The following TBC1D31 variants were observed in gnomAD, a reference collection of about 807,000 sequenced individuals.
TBC1D31 encodes the protein WD repeat domain 67.
Under a neutral mutation model 132.9 loss-of-function variants are expected in TBC1D31, and 99 were observed. That is an observed-to-expected ratio of 0.74 (90% CI 0.63 to 0.88). The LOEUF is 0.88. TBC1D31 is among the 40% of genes least tolerant of loss of function. TBC1D31 has a pLI of 0.00. For missense variants in TBC1D31, 1,134 were observed against 1,256.6 expected, an observed-to-expected ratio of 0.90 and a Z score of 1.48; for synonymous variants, 385 against 419.4, an observed-to-expected ratio of 0.92 and a Z score of 1.00.
intron 6 of TBC1D31, among the ~76,000 whole-genome samples, chr8:123,098,557 G>A (rs1034487196): frequency 2.0e-5 from 3 of 152,194 alleles, no homozygotes; most frequent in Non-Finnish European, 2.9e-5. Context: ...CAAAGTGCTG[G>A]GATTATAGGC....
the TBC1D31 span, among the ~76,000 whole-genome samples, chr8:123,159,646 G>A: frequency 6.6e-6 from 1 of 152,162 alleles, no homozygotes; most frequent in East Asian, 1.9e-4. Flanking sequence ...TACAAAATTA[G>A]CCGGGTGTGG....
In TBC1D31 at chr8:123,072,711, C is replaced by T. The variant is rs560222470; in HGVS notation, c.-59C>T. 11 of 1,529,378 alleles carry T rather than the reference C, an allele frequency of 7.2e-6. No homozygotes were observed. The highest frequency in any genetic ancestry group is 6.0e-5 in the Admixed American group (3 of 49,990). 94.7% of individuals were successfully genotyped at this position (1,529,378 alleles called of 1,614,324 possible). ...CCCGGGCCGGGAGCGCTGGGCCTGCCGGGAAGGCGCTGGGACGGTTACCCA... is the reference window on the plus strand; with the variant it reads ...CCCGGGCCGGGAGCGCTGGGCCTGCTGGGAAGGCGCTGGGACGGTTACCCA... On this transcript the variant is annotated 5_prime_UTR_variant, in exon 1 of 22. Transcript: ENST00000287380.
At chr8:123,110,310 T>C (rs528557028) in intron 10 of TBC1D31, among the ~76,000 whole-genome samples, 2 of 152,274 alleles carry the variant, frequency 1.3e-5, no homozygotes, top group Non-Finnish European at 2.9e-5. Flanking sequence ...ATGCATATGC[T>C]AGAGTCCATT....
intron 5 of TBC1D31, among the ~76,000 whole-genome samples, chr8:123,096,305 A>G (rs1816830759): frequency 6.6e-6 from 1 of 151,774 alleles, no homozygotes; most frequent in South Asian, 2.1e-4. Context: ...GCCACATCCG[A>G]GTATAGCAGT....
chr8:123,108,549 G>C (rs1200359988), intron 8 of TBC1D31, among the ~76,000 whole-genome samples: 3 of 152,110 alleles, frequency 2.0e-5, no homozygotes, highest in African/African-American at 7.2e-5. Context: ...CTTGATGCAG[G>C]AGTCCCAGAT....
rs1816578191 is a variant in TBC1D31 at position 123,093,750 on chromosome 8, G to A, written c.671+8G>A. On this transcript the variant is annotated splice_region_variant and intron_variant, in intron 5 of 21. Coordinates refer to ENST00000287380, the MANE Select transcript of TBC1D31 (RefSeq NM_145647.4). ...AGTGTTTGCTGTAACCAGGTAATGT[G>A]CATTTTAAGACACTAGGAATATTTA... is the stretch of plus-strand genomic sequence containing the variant. 1 of 1,540,744 alleles carries A rather than the reference G, an allele frequency of 6.5e-7. No individual in the cohort carries two copies. The highest frequency in any genetic ancestry group is 8.8e-7 in the Non-Finnish European group (1 of 1,134,950).
intron 16 of TBC1D31, among the ~76,000 whole-genome samples, chr8:123,130,635 T>G (rs1417490429): frequency 6.6e-6 from 1 of 151,038 alleles, no homozygotes; most frequent in East Asian, 1.9e-4. Flanking sequence ...TTTTTTTTTT[T>G]TTTTGAGACA....
Position 123,077,126 on chromosome 8 carries a change from T to A in TBC1D31, c.93T>A (p.Ile31=), listed in dbSNP as rs138407193. The change falls in exon 2 of 22, where the codon ATT becomes ATA. Residue 31 remains isoleucine (I), a synonymous_variant. Transcript: ENST00000287380. ...TCTTTGACAGAATTATAGTGAACAT[T>A]ATTCACAACACTTCCGATTACCATC... The part of the protein sequence containing the change: ...PATRDGIIVN[I]IHNTSDYHPK... 5.6e-6 allele frequency: 9 copies of A among 1,607,462 alleles called. No individual in the cohort carries two copies. In the Admixed American group the frequency reaches 8.6e-5, roughly 15 times the overall value.
In TBC1D31 at chr8:123,088,543, C is replaced by T. The variant is rs140372898; in HGVS notation, c.519+4203C>T. ...AACCTTAATATTAAAGTAAAACGTT[C>T]GGTTTTTAAAAAATTTTTTTCCCCT... On this transcript the variant is annotated intron_variant, in intron 4 of 21. Coordinates refer to ENST00000287380, the MANE Select transcript of TBC1D31 (RefSeq NM_145647.4). Among the ~76,000 whole-genome samples the T allele has an allele frequency of 4.1e-3, 622 of 152,262 alleles. 4 individuals are homozygous for T. The highest frequency in any genetic ancestry group is 0.014 in the African/African-American group (562 of 41,544).
At chr8:123,099,221 G>A (rs1455522312) in intron 6 of TBC1D31, among the ~76,000 whole-genome samples, 2 of 152,064 alleles carry the variant, frequency 1.3e-5, no homozygotes, top group Admixed American at 6.5e-5. Context: ...CCAGGTTCAC[G>A]CCATTCTCCT....
intron 15 of TBC1D31, among the ~76,000 whole-genome samples, chr8:123,129,437 A>G (rs1326856314): frequency 5.9e-5 from 9 of 152,264 alleles, no homozygotes; most frequent in Non-Finnish European, 1.3e-4. Flanking sequence ...GCTATGCTGA[A>G]TATAATATAG....
At chr8:123,149,907 T>C in intron 20 of TBC1D31, 129 bp from the exon 21 acceptor site, 1 of 591,614 alleles carries the variant, frequency 1.7e-6, no homozygotes, top group East Asian at 2.8e-5. Context: ...ACCGCATTCT[T>C]CTTAAAATAG....
At chr8:123,164,144 G>A in the TBC1D31 span, among the ~76,000 whole-genome samples, 4 of 152,204 alleles carry the variant, frequency 2.6e-5, no homozygotes, top group Non-Finnish European at 5.9e-5. Context: ...GCTGGGTTCA[G>A]CTCCAGGCTG....
At chr8:123,119,914 T>C (rs894066753) in intron 10 of TBC1D31, 141 bp from the exon 11 acceptor site, 12 of 623,502 alleles carry the variant, frequency 1.9e-5, no homozygotes, top group Non-Finnish European at 3.1e-5. Flanking sequence ...CTTTTAACAA[T>C]GGTTACTTCT....
chr8:123,073,759 C>G (rs1284031287), intron 1 of TBC1D31, among the ~76,000 whole-genome samples: 1 of 152,116 alleles, frequency 6.6e-6, no homozygotes, highest in African/African-American at 2.4e-5. Flanking sequence ...GACCTCGGCT[C>G]ACTGCATCCT....
At chr8:123,114,185 T>C (rs1008513813) in intron 10 of TBC1D31, among the ~76,000 whole-genome samples, 4 of 152,186 alleles carry the variant, frequency 2.6e-5, no homozygotes, top group Non-Finnish European at 4.4e-5. Flanking sequence ...ATGAAAGAAG[T>C]ATAATAAAAC....
chr8:123,080,651 C>T (rs1815052421), intron 2 of TBC1D31, among the ~76,000 whole-genome samples: 1 of 150,472 alleles, frequency 6.6e-6, no homozygotes, highest in African/African-American at 2.5e-5. Flanking sequence ...ATTCTTCTGC[C>T]TCAGCCTCCC....
chr8:123,119,726 A>G (rs139395879), intron 10 of TBC1D31, among the ~76,000 whole-genome samples: 1 of 152,212 alleles, frequency 6.6e-6, no homozygotes, highest in African/African-American at 2.4e-5. Context: ...AAAACAAAAG[A>G]AAAAAAAGAA....
intron 4 of TBC1D31, among the ~76,000 whole-genome samples, chr8:123,088,556 A>G (rs891355241): frequency 6.6e-6 from 1 of 152,104 alleles, no homozygotes; most frequent in Non-Finnish European, 1.5e-5. Flanking sequence ...TTTTTAAAAA[A>G]TTTTTTTCCC....
Sources: allele counts gnomAD v4.1 joint callset (sites outside exome capture counted in the v4.1 genomes callset), GRCh38; gene constraint gnomAD v4.1.1; transcripts MANE v1.5; gene names NCBI Gene and HGNC (gene_info 2026-07-23, HGNC 2026-07-21).